Variants in WDR43 observed in about 807,000 individuals in gnomAD.
WDR43 encodes the protein WD repeat-containing protein 43.
WDR43 carries 13 observed loss-of-function variants against 91.4 expected under a neutral mutation model. That is an observed-to-expected ratio of 0.14 (90% CI 0.09 to 0.23). WDR43 has a LOEUF of 0.23. Among genes scored for constraint, WDR43 ranks in the 10% least tolerant of loss-of-function variants. The pLI is 1.00. For synonymous variants in WDR43, 331 were observed against 287.9 expected (o/e 1.15, Z -1.51); for missense variants, 780 against 809.4 (o/e 0.96, Z 0.44).
At chr2:28,918,091 A>T in intron 6 of WDR43, 96 bp downstream of exon 6, 1 of 1,047,272 alleles carries the variant, frequency 9.5e-7, no homozygotes, top group South Asian at 1.5e-5. Context: ...AGAAATAGAG[A>T]GGACCTGAGG....
chr2:28,897,007 C>G lies in WDR43; in HGVS notation c.225+2084C>G, dbSNP rs148186066. Among the ~76,000 whole-genome samples the G allele has an allele frequency of 5.6e-4, 86 of 152,248 alleles. 1 individual carries two copies. Among genetic ancestry groups the G allele is most frequent in the African/African-American group, 2.0e-3 (83 of 41,538 alleles). On this transcript the variant is annotated intron_variant, in intron 1 of 17. Transcript: ENST00000407426. Reference sequence around the variant, plus strand: ...AATCAGAGCTAAGAAAGGTAAATGACTTGACTCAAGCCTTAATAACCAATA... The same window carrying G: ...AATCAGAGCTAAGAAAGGTAAATGAGTTGACTCAAGCCTTAATAACCAATA...
intron 6 of WDR43, among the ~76,000 whole-genome samples, chr2:28,921,603 C>T (rs750530859): frequency 7.2e-5 from 11 of 152,132 alleles, no homozygotes; most frequent in Non-Finnish European, 1.5e-4. Context: ...CAAAAGTTAC[C>T]AACCTTTCTA....
intron 14 of WDR43, 133 bp from the exon 15 acceptor site, chr2:28,941,328 C>G: frequency 1.7e-6 from 1 of 594,810 alleles, no homozygotes. Context: ...TGCAGGTAGC[C>G]ACTGCCACTG....
At chr2:28,900,999 T>C (rs544934828) in intron 1 of WDR43, among the ~76,000 whole-genome samples, 1 of 152,356 alleles carries the variant, frequency 6.6e-6, no homozygotes, top group South Asian at 2.1e-4. Flanking sequence ...GTGGTTGTCA[T>C]TGGTTTTTCT....
At chr2:28,906,371 C>T in intron 2 of WDR43, 89 bp from the exon 3 acceptor site, 1 of 1,335,908 alleles carries the variant, frequency 7.5e-7, no homozygotes, top group East Asian at 2.6e-5. Flanking sequence ...CCTGTAATCC[C>T]AGCATCTTGG....
At chr2:28,906,327 A>G (rs1670677652) in intron 2 of WDR43, 133 bp from the exon 3 acceptor site, 8 of 832,532 alleles carry the variant, frequency 9.6e-6, no homozygotes, top group South Asian at 1.9e-5. Context: ...CTGATCTGAA[A>G]TATCCACGTG....
intron 3 of WDR43, among the ~76,000 whole-genome samples, chr2:28,910,679 A>ATATATATATATATATATG: frequency 5.1e-5 from 1 of 19,590 alleles, no homozygotes; most frequent in Admixed American, 8.1e-4. Flanking sequence ...GTGTGTGTAA[A>ATATATATATATATATATG]TATATATATA....
chr2:28,942,050 G>A (rs1317430292), intron 15 of WDR43, among the ~76,000 whole-genome samples: 1 of 152,120 alleles, frequency 6.6e-6, no homozygotes, highest in Non-Finnish European at 1.5e-5. Context: ...TATACAGTTA[G>A]TAAGTTATAG....
chr2:28,910,721 T>G (rs1403254696), intron 3 of WDR43, among the ~76,000 whole-genome samples: 1 of 150,444 alleles, frequency 6.6e-6, no homozygotes, highest in Non-Finnish European at 1.5e-5. Context: ...TTTTTTGAGA[T>G]AGGGTCTCAC....
chr2:28,895,106 G>T, intron 1 of WDR43, 183 bp downstream of exon 1: 2 of 514,144 alleles, frequency 3.9e-6, no homozygotes, highest in Non-Finnish European at 3.0e-6. Flanking sequence ...TGCCGCGAGG[G>T]CAGTGAGGGA....
intron 16 of WDR43, among the ~76,000 whole-genome samples, 175 bp from the exon 17 acceptor site, chr2:28,946,275 C>T (rs1671540435): frequency 6.6e-6 from 1 of 151,424 alleles, no homozygotes; most frequent in African/African-American, 2.4e-5. Context: ...TGCTCCACTG[C>T]ACTCCAGCCT....
intron 11 of WDR43, among the ~76,000 whole-genome samples, chr2:28,931,066 T>C (rs1671229977): frequency 6.6e-6 from 1 of 151,734 alleles, no homozygotes. Context: ...CAAACTTTTT[T>C]TTTATTTCTG....
intron 1 of WDR43, among the ~76,000 whole-genome samples, chr2:28,901,230 A>G (rs1670573441): frequency 6.6e-6 from 1 of 152,226 alleles, no homozygotes; most frequent in African/African-American, 2.4e-5. Context: ...CATAATAAAT[A>G]CTCAGCATTA....
chr2:28,908,419 T>G (rs886349697), intron 3 of WDR43, among the ~76,000 whole-genome samples: 1 of 152,190 alleles, frequency 6.6e-6, no homozygotes, highest in African/African-American at 2.4e-5. Context: ...CACAGTAGTT[T>G]CTATGTTAGT....
intron 7 of WDR43, 45 bp from the exon 8 acceptor site, chr2:28,924,937 A>G: frequency 6.3e-7 from 1 of 1,582,054 alleles, no homozygotes; most frequent in East Asian, 2.2e-5. Flanking sequence ...TTAGTATGAG[A>G]CGTTTTTTCA....
At chr2:28,912,462 A>T in intron 3 of WDR43, 128 bp from the exon 4 acceptor site, 1 of 1,123,090 alleles carries the variant, frequency 8.9e-7, no homozygotes, top group Admixed American at 2.5e-5. Context: ...GCTTTTAGGG[A>T]ATGTAATTGT....
At chr2:28,917,572 TATC>T (rs533026534) in intron 5 of WDR43, among the ~76,000 whole-genome samples, 43 of 152,210 alleles carry the variant, frequency 2.8e-4, no homozygotes, top group Non-Finnish European at 3.2e-4. Flanking sequence ...CAAGACCTAT[TATC>T]AAGCGGCACT....
chr2:28,915,144 C>T (rs1459760416), intron 5 of WDR43, among the ~76,000 whole-genome samples: 1 of 152,190 alleles, frequency 6.6e-6, no homozygotes, highest in East Asian at 1.9e-4. Flanking sequence ...AGAAGTGGGA[C>T]TCATCCAATA....
intron 3 of WDR43, among the ~76,000 whole-genome samples, chr2:28,911,576 G>A (rs1429923094): frequency 1.3e-5 from 2 of 151,912 alleles, no homozygotes; most frequent in African/African-American, 2.4e-5. Flanking sequence ...TTACAGGCAT[G>A]AGCCACCGCG....
Sources: allele counts gnomAD v4.1 joint callset (sites outside exome capture counted in the v4.1 genomes callset), GRCh38; gene constraint gnomAD v4.1.1; transcripts MANE v1.5; gene names NCBI Gene and HGNC (gene_info 2026-07-23, HGNC 2026-07-21).